WDR86: variants seen among roughly 807,000 people sequenced by gnomAD.
WDR86 encodes the protein WD repeat-containing protein 86.
A neutral mutation model predicts 36.5 loss-of-function variants in WDR86; 30 were observed. The ratio of observed to expected loss-of-function variants is 0.82; its 90% CI spans 0.61 to 1.11. WDR86 has a LOEUF of 1.11. Among genes scored for constraint, WDR86 ranks in the 50% most tolerant of loss-of-function variants. The pLI is 0.00. For missense variants in WDR86, 545 were observed against 561.2 expected (o/e 0.97, Z 0.29); for synonymous variants, 255 against 252.9 (o/e 1.01, Z -0.08).
chr7:151,398,303 ATGTG>A (rs1258690784), intron 2 of WDR86, among the ~76,000 whole-genome samples: 6 of 151,076 alleles, frequency 4.0e-5, no homozygotes, highest in Admixed American at 6.6e-5. Context: ...TGTTGTGTGT[ATGTG>A]TGTAAGTTGC....
chr7:151,400,393 G>GT (rs911619520), intron 1 of WDR86, among the ~76,000 whole-genome samples, 152 bp from the exon 2 acceptor site: 2 of 151,996 alleles, frequency 1.3e-5, no homozygotes, highest in Non-Finnish European at 1.5e-5. Context: ...GTTTTGTTTT[G>GT]TTTTTTTGAG....
At chr7:151,396,962 T>C (rs11761588) in intron 2 of WDR86, among the ~76,000 whole-genome samples, 103,967 of 152,224 alleles carry the variant, frequency 0.68, 35,734 homozygotes, top group East Asian at 0.83. Flanking sequence ...GGCCCCCACA[T>C]TGTATTCACG....
intron 1 of WDR86, among the ~76,000 whole-genome samples, chr7:151,408,194 C>CTTTTTT (rs1167346483): frequency 1.4e-4 from 17 of 124,666 alleles, no homozygotes; most frequent in African/African-American, 3.8e-4. Flanking sequence ...TTTTTCTTTT[C>CTTTTTT]TTTTCTTTTT....
At chr7:151,397,830 G>A (rs1799976206) in intron 2 of WDR86, among the ~76,000 whole-genome samples, 1 of 142,304 alleles carries the variant, frequency 7.0e-6, no homozygotes. Flanking sequence ...GGGTGTAGCG[G>A]GAGGAAGGGC....
intron 3 of WDR86, 55 bp downstream of exon 3, chr7:151,395,721 G>A (rs2097251354): frequency 1.3e-6 from 2 of 1,497,434 alleles, no homozygotes; most frequent in Non-Finnish European, 1.8e-6. Context: ...GGGCGGCAGT[G>A]CAGGGGGTGA....
Position 151,381,657 on chromosome 7 carries a change from AG to A in WDR86, c.1055del (p.Pro352LeufsTer100), listed in dbSNP as rs1441633894. ...GCCGCGAGAGGCTGCGCATGGGCGG[AG>A]GGGGCCGCGGGGCACCTCGGAGCCC... ...VRGLRGAPRP[P>X]PPMRSLSRLF... On this transcript the variant is annotated frameshift_variant, in exon 6 of 6. Coordinates refer to ENST00000334493, the MANE Select transcript of WDR86 (RefSeq NM_198285.3). LOFTEE classifies it high-confidence loss of function. The surrounding 1 kb of genome is among the most constrained non-coding windows in gnomAD (Gnocchi z 4.8). 1 of 1,399,292 alleles carries A rather than the reference AG, an allele frequency of 7.1e-7. No homozygotes were observed. Among genetic ancestry groups the A allele is most frequent in the Non-Finnish European group, 9.2e-7 (1 of 1,088,234 alleles). The allele number at this position is 1,399,292 out of a possible 1,614,324, so 86.7% of individuals were successfully genotyped here. A position where few individuals can be genotyped will look rare whatever the true frequency, so the allele number is the denominator to read the frequency against.
chr7:151,374,398 GACACAGGCTGCGT>G, downstream of WDR86: 1 of 1,041,954 alleles, frequency 9.6e-7, no homozygotes, highest in Non-Finnish European at 1.4e-6. Context: ...CTCCAGCCCA[GACACAGGCTGCGT>G]GAGGCCACGT....
intron 1 of WDR86, chr7:151,408,920 G>C (rs1435294987): frequency 2.1e-6 from 1 of 471,570 alleles, no homozygotes; most frequent in Non-Finnish European, 4.4e-6. Flanking sequence ...TCTGTATGTG[G>C]GGTAACATAG....
intron 4 of WDR86, among the ~76,000 whole-genome samples, chr7:151,384,813 C>T (rs1584998904): frequency 6.6e-6 from 1 of 152,244 alleles, no homozygotes; most frequent in Admixed American, 6.5e-5. Context: ...TTAGGATACA[C>T]CCTTTGGGAC....
chr7:151,409,828 C>T lies in WDR86; in HGVS notation c.-239G>A. On this transcript the variant is annotated 5_prime_UTR_variant, in exon 1 of 6. Coordinates refer to ENST00000334493, the MANE Select transcript of WDR86 (RefSeq NM_198285.3). This position sits in a 1 kb window ranked among gnomAD's most constrained non-coding sequence, Gnocchi z 5.2. ...GGGCGGCCCACTCGGGACCTCCGCC[C>T]TGGGTAGAGTCCTGGGCGCGCGGGC... 1 of 1,252,400 alleles carries T rather than the reference C, an allele frequency of 8.0e-7. No individual in the cohort carries two copies. The highest frequency in any genetic ancestry group is 1.0e-6 in the Non-Finnish European group (1 of 1,001,166). The allele number at this position is 1,252,400 out of a possible 1,614,324, so 77.6% of individuals were successfully genotyped here.
In WDR86 at chr7:151,395,891, G is replaced by A. The variant is rs757581573; in HGVS notation, c.611C>T (p.Pro204Leu). Residue 204 changes from proline (P) to leucine (L), a missense_variant, in exon 3 of 6, where the codon CCC becomes CTC. Coordinates refer to ENST00000334493, the MANE Select transcript of WDR86 (RefSeq NM_198285.3). ...GAVLCLVLDT[P>L]GHTAFTGSTD... ...GCTGCCTGTGAAGGCCGTGTGGCCG[G>A]GCGTGTCTAGCACTAGGCACAGCAC... 1 of 1,602,454 alleles carries A rather than the reference G, an allele frequency of 6.2e-7. No individual in the cohort carries two copies. Among genetic ancestry groups the A allele is most frequent in the East Asian group, 2.2e-5 (1 of 44,484 alleles).
Position 151,409,807 on chromosome 7 carries a change from G to A in WDR86, c.-218C>T, listed in dbSNP as rs1278219479. 4.8e-6 allele frequency: 6 copies of A among 1,262,046 alleles called. No individual in the cohort carries two copies. In the Middle Eastern group the frequency reaches 1.5e-3, roughly 315 times the overall value. The allele number at this position is 1,262,046 out of a possible 1,614,324, so 78.2% of individuals were successfully genotyped here. Reference sequence around the variant, plus strand: ...GCGAACCCAGGGCGCTGCGGGGGGCGGCCCACTCGGGACCTCCGCCCTGGG... The same window carrying A: ...GCGAACCCAGGGCGCTGCGGGGGGCAGCCCACTCGGGACCTCCGCCCTGGG... On this transcript the variant is annotated 5_prime_UTR_variant, in exon 1 of 6. Transcript: ENST00000334493. This position sits in a 1 kb window ranked among gnomAD's most constrained non-coding sequence, Gnocchi z 5.2.
At chr7:151,371,701 C>T (rs137946032), downstream of WDR86, among the ~76,000 whole-genome samples, 6 of 152,316 alleles carry the variant, frequency 3.9e-5, no homozygotes, top group East Asian at 9.7e-4. Flanking sequence ...GGAGTTCCAA[C>T]GTTCTAGGTA....
rs749911922 is a variant in WDR86, at chr7:151,399,961, C to G, written c.305+139G>C. ...GGTCCACGTCGCTGGGTGCTACTGA[C>G]CACCTCCCAGCTGTCCACGTTTTTG... is the stretch of plus-strand genomic sequence containing the variant. On this transcript the variant is annotated intron_variant, in intron 2 of 5. Coordinates refer to ENST00000334493, the MANE Select transcript of WDR86 (RefSeq NM_198285.3). 2.3e-4 allele frequency: 167 copies of G among 742,062 alleles called. 2 individuals carry two copies. The highest frequency in any genetic ancestry group is 2.9e-4 in the Non-Finnish European group (145 of 508,636). The allele number at this position is 742,062 out of a possible 1,614,324, so 46.0% of individuals were successfully genotyped here.
chr7:151,374,236 C>T (rs1422502453), downstream of WDR86: 11 of 1,554,700 alleles, frequency 7.1e-6, no homozygotes, highest in East Asian at 2.7e-4. Flanking sequence ...TTGGATGAGG[C>T]CCTGAAGGTA....
At chr7:151,369,020 T>C in the WDR86 span, 30 of 1,079,014 alleles carry the variant, frequency 2.8e-5, no homozygotes, top group Non-Finnish European at 3.7e-5. Flanking sequence ...TCCTTTTTTT[T>C]TTCTTGAGAC....
Position 151,381,495 on chromosome 7 carries a change from AT to A in WDR86, c.*86del. The A allele has an allele frequency of 2.1e-6, 3 of 1,459,796 alleles. No individual in the cohort carries two copies. Among genetic ancestry groups the A allele is most frequent in the Non-Finnish European group, 2.7e-6 (3 of 1,115,594 alleles). 90.4% of individuals were successfully genotyped at this position (1,459,796 alleles called of 1,614,324 possible). On this transcript the variant is annotated 3_prime_UTR_variant, in exon 6 of 6. Coordinates refer to ENST00000334493, the MANE Select transcript of WDR86 (RefSeq NM_198285.3). This position sits in a 1 kb window ranked among gnomAD's most constrained non-coding sequence, Gnocchi z 4.8. Reference sequence around the variant, plus strand: ...CCTCGCTCCTCGCCCCTCGCCGGCCATCGGGCGCCACCACCGCGGGTAGCAG... The same window carrying A: ...CCTCGCTCCTCGCCCCTCGCCGGCCACGGGCGCCACCACCGCGGGTAGCAG...
chr7:151,372,009 T>C (rs1797981760), downstream of WDR86, among the ~76,000 whole-genome samples: 1 of 152,234 alleles, frequency 6.6e-6, no homozygotes, highest in African/African-American at 2.4e-5. Context: ...CACCCAGCCT[T>C]TAATACATAA....
At chr7:151,395,535 A>G (rs926363341) in intron 3 of WDR86, among the ~76,000 whole-genome samples, 2 of 145,724 alleles carry the variant, frequency 1.4e-5, no homozygotes, top group Non-Finnish European at 3.1e-5. Flanking sequence ...ACACACACAC[A>G]CACGAGGACA....
Sources: gnomAD v4.1 joint callset for allele counts (sites outside exome capture counted in the v4.1 genomes callset) on GRCh38, gnomAD v4.1.1 for gene constraint, Gnocchi (gnomAD v3.1) non-coding constraint, MANE v1.5 for transcripts, NCBI Gene and HGNC (gene_info 2026-07-23, HGNC 2026-07-21) for gene names.